Variants in BLTP2 observed in about 807,000 individuals in gnomAD.
BLTP2 encodes bridge-like lipid transfer protein family member 2.
chr17:28,635,402 G>A, the BLTP2 span: 1 of 1,614,228 alleles, frequency 6.2e-7, no homozygotes, highest in South Asian at 1.1e-5. Context: ...GTTAGGTTTA[G>A]CAGCCGCTTT....
the BLTP2 span, chr17:28,640,803 G>C: frequency 1.1e-6 from 1 of 901,106 alleles, no homozygotes; most frequent in Non-Finnish European, 1.7e-6. Flanking sequence ...AAATGCCTAA[G>C]CTGGATGGAC....
the BLTP2 span, among the ~76,000 whole-genome samples, chr17:28,623,143 T>C: frequency 2.0e-5 from 3 of 151,788 alleles, no homozygotes; most frequent in East Asian, 3.9e-4. Context: ...CCAGACATAC[T>C]GACTTAAAAA....
At chr17:28,644,375 G>A in the BLTP2 span, among the ~76,000 whole-genome samples, 1 of 152,200 alleles carries the variant, frequency 6.6e-6, no homozygotes, top group Non-Finnish European at 1.5e-5. Context: ...GCTCCCGACT[G>A]ACCCCTCCAC....
chr17:28,627,780 G>A, the BLTP2 span, among the ~76,000 whole-genome samples: 3 of 151,786 alleles, frequency 2.0e-5, no homozygotes, highest in Non-Finnish European at 2.9e-5. Context: ...TTAGCCTCCC[G>A]AGTAGCTGGG....
the BLTP2 span, chr17:28,631,517 G>A: frequency 6.2e-7 from 1 of 1,614,166 alleles, no homozygotes; most frequent in Middle Eastern, 1.7e-4. Flanking sequence ...TGGTAGGTGA[G>A]GGAGGACAAG....
At chr17:28,639,285 A>C in the BLTP2 span, 12 of 1,612,700 alleles carry the variant, frequency 7.4e-6, no homozygotes, top group East Asian at 2.7e-4. Flanking sequence ...TCCAACTGAC[A>C]AGAAGGTGGC....
chr17:28,642,163 C>T, the BLTP2 span: 1 of 1,575,444 alleles, frequency 6.3e-7, no homozygotes, highest in Non-Finnish European at 8.7e-7. Context: ...ACACTGGGTA[C>T]TGACTTGAGG....
At chr17:28,642,856 C>T in the BLTP2 span, 7 of 1,429,354 alleles carry the variant, frequency 4.9e-6, no homozygotes, top group Non-Finnish European at 4.9e-6. Flanking sequence ...ATCCTCTGCT[C>T]CCCAGTGCTT....
chr17:28,630,794 G>A, the BLTP2 span, among the ~76,000 whole-genome samples: 1 of 151,980 alleles, frequency 6.6e-6, no homozygotes, highest in African/African-American at 2.4e-5. Context: ...CTCCCCCACT[G>A]TATTTTAAAT....
the BLTP2 span, chr17:28,644,858 T>C: frequency 7.0e-4 from 258 of 370,356 alleles, no homozygotes; most frequent in South Asian, 1.2e-3. Flanking sequence ...GCGCGCCCCC[T>C]CCCTCCACCC....
the BLTP2 span, chr17:28,642,234 C>T: frequency 6.2e-7 from 1 of 1,608,820 alleles, no homozygotes; most frequent in Non-Finnish European, 8.5e-7. Context: ...ACTTTACGCC[C>T]AGGAGGAAAT....
the BLTP2 span, chr17:28,628,362 G>T: frequency 6.2e-7 from 1 of 1,614,182 alleles, no homozygotes; most frequent in Non-Finnish European, 8.5e-7. Flanking sequence ...TTGGCTTTTT[G>T]GCTGGCATCT....
At chr17:28,644,048 C>A in the BLTP2 span, 2 of 1,613,834 alleles carry the variant, frequency 1.2e-6, no homozygotes, top group African/African-American at 1.3e-5. Context: ...CAGAGTTTCC[C>A]AGAACTCACC....
At chr17:28,616,317 G>A in the BLTP2 span, 35 of 1,611,450 alleles carry the variant, frequency 2.2e-5, no homozygotes, top group African/African-American at 4.4e-4. This position sits in a 1 kb window ranked among gnomAD's most constrained non-coding sequence, Gnocchi z 4.8. Flanking sequence ...GAAATCCCAA[G>A]CCACACCAAA....
At chr17:28,616,637 C>T in the BLTP2 span, 6 of 1,614,222 alleles carry the variant, frequency 3.7e-6, no homozygotes, top group East Asian at 1.1e-4. This position sits in a 1 kb window ranked among gnomAD's most constrained non-coding sequence, Gnocchi z 4.8. Flanking sequence ...CCAGTTTGGA[C>T]TTATCCTCTT....
At chr17:28,640,046 G>C in the BLTP2 span, 1 of 1,610,930 alleles carries the variant, frequency 6.2e-7, no homozygotes, top group East Asian at 2.2e-5. Context: ...ACAGATTCCA[G>C]CTCAGGAAGA....
the BLTP2 span, chr17:28,616,386 G>A: frequency 8.7e-6 from 14 of 1,614,110 alleles, no homozygotes; most frequent in South Asian, 1.1e-4. This position sits in a 1 kb window ranked among gnomAD's most constrained non-coding sequence, Gnocchi z 4.8. Context: ...TACCTCTGGC[G>A]ATTTGCGAAA....
At chr17:28,617,128 G>C in the BLTP2 span, 8 of 1,199,346 alleles carry the variant, frequency 6.7e-6, no homozygotes, top group Non-Finnish European at 9.7e-6. Context: ...CACCCTCTCA[G>C]ATCACCACAT....
At chr17:28,630,155 C>T in the BLTP2 span, among the ~76,000 whole-genome samples, 28 of 151,306 alleles carry the variant, frequency 1.9e-4, no homozygotes, top group Non-Finnish European at 3.1e-4. Context: ...TGAGCCATCA[C>T]ACTTTGCCTA....
Sources: gnomAD v4.1 joint callset for allele counts (sites outside exome capture counted in the v4.1 genomes callset) on GRCh38, gnomAD v4.1.1 for gene constraint, Gnocchi (gnomAD v3.1) non-coding constraint, MANE v1.5 for transcripts, NCBI Gene and HGNC (gene_info 2026-07-23, HGNC 2026-07-21) for gene names.